ZFHX3: variants seen among roughly 807,000 people sequenced by gnomAD.
The protein encoded by ZFHX3 is zinc finger homeobox protein 3.
Under a neutral mutation model 279.1 loss-of-function variants are expected in ZFHX3, and 42 were observed. The ratio of observed to expected loss-of-function variants is 0.15; its 90% CI spans 0.12 to 0.19. The LOEUF is 0.19. ZFHX3 is among the 10% of genes least tolerant of loss of function. The pLI is 1.00. For missense variants in ZFHX3, 4,981 were observed against 4,754.0 expected, an observed-to-expected ratio of 1.05 and a Z score of -1.40; for synonymous variants, 2,293 against 1,957.8, an observed-to-expected ratio of 1.17 and a Z score of -4.52.
rs114361978 is a variant in ZFHX3 at position 73,587,613 on chromosome 16, G to A, written c.-1547+92567C>T. Among the ~76,000 whole-genome samples the A allele has an allele frequency of 6.7e-3, 1,019 of 152,286 alleles. 13 individuals carry two copies. The highest frequency in any genetic ancestry group is 0.024 in the African/African-American group (979 of 41,540). On this transcript the variant is annotated intron_variant, in intron 2 of 17. Transcript: ENST00000641206. ...GCAGCAGAATTGGGCTACGACATGTGTCTAACATTCTCACCAGACTTGTAT... is the reference window on the plus strand; with the variant it reads ...GCAGCAGAATTGGGCTACGACATGTATCTAACATTCTCACCAGACTTGTAT...
intron 1 of ZFHX3, among the ~76,000 whole-genome samples, chr16:73,838,073 T>C (rs76476537): frequency 0.012 from 1,781 of 152,326 alleles, 43 homozygotes; most frequent in African/African-American, 0.041. Context: ...CATGTCTCCA[T>C]TTCAACATGA....
intron 4 of ZFHX3, among the ~76,000 whole-genome samples, chr16:73,303,132 G>T (rs995343880): frequency 2.6e-4 from 40 of 151,912 alleles, no homozygotes; most frequent in Non-Finnish European, 1.5e-4. Context: ...GGGCTCAAGT[G>T]ATCCTCCCAC....
intron 6 of ZFHX3, among the ~76,000 whole-genome samples, chr16:73,141,396 T>G (rs1597177987): frequency 6.6e-6 from 1 of 151,484 alleles, no homozygotes; most frequent in East Asian, 1.9e-4. Flanking sequence ...TCTCTTTAAA[T>G]AATTTTTTTT....
intron 1 of ZFHX3, among the ~76,000 whole-genome samples, chr16:73,768,771 G>A (rs2053983092): frequency 6.6e-6 from 1 of 152,138 alleles, no homozygotes; most frequent in Non-Finnish European, 1.5e-5. Context: ...TACTGAGCCT[G>A]GATTTTATCA....
chr16:73,181,780 C>T (rs2144879228), intron 5 of ZFHX3, among the ~76,000 whole-genome samples: 1 of 152,218 alleles, frequency 6.6e-6, no homozygotes, highest in East Asian at 1.9e-4. Context: ...GTTAGGGCTG[C>T]TGTGTGTGGT....
intron 1 of ZFHX3, among the ~76,000 whole-genome samples, chr16:73,835,441 C>G (rs924538468): frequency 8.6e-5 from 13 of 150,356 alleles, no homozygotes; most frequent in African/African-American, 3.2e-4. Flanking sequence ...CAACTTTCCT[C>G]CACCATCCCT....
At chr16:73,413,563 G>A (rs192256437) in intron 3 of ZFHX3, among the ~76,000 whole-genome samples, 10 of 152,198 alleles carry the variant, frequency 6.6e-5, no homozygotes, top group African/African-American at 2.2e-4. Context: ...GCTCTATGCT[G>A]GGGGCTGGGG....
intron 7 of ZFHX3, among the ~76,000 whole-genome samples, chr16:72,804,251 A>G (rs570903745): frequency 5.9e-5 from 9 of 152,348 alleles, no homozygotes; most frequent in African/African-American, 1.4e-4. Context: ...AGTTCATTCA[A>G]TTGACCACCA....
intron 4 of ZFHX3, among the ~76,000 whole-genome samples, chr16:73,259,137 C>T (rs1038028278): frequency 9.2e-5 from 14 of 152,290 alleles, no homozygotes; most frequent in South Asian, 4.1e-4. Flanking sequence ...AGTCACAGCG[C>T]GGGGAACATG....
In ZFHX3 at chr16:73,238,800, C is replaced by T. The variant is rs192130614; in HGVS notation, c.-1104+18247G>A. Among the ~76,000 whole-genome samples the T allele has an allele frequency of 2.4e-3, 360 of 152,276 alleles. 2 individuals are homozygous for T. The highest frequency in any genetic ancestry group is 8.3e-3 in the African/African-American group (345 of 41,556). On this transcript the variant is annotated intron_variant, in intron 5 of 17. Transcript: ENST00000641206. ...TTCTAGGTCATAAAATGCCCCATAA[C>T]TCTTTCATGCCTCTAGGATTCCATA...
chr16:73,784,796 A>AAATATATAT (rs56734827), intron 1 of ZFHX3, among the ~76,000 whole-genome samples: 57 of 131,096 alleles, frequency 4.3e-4, no homozygotes, highest in Admixed American at 1.0e-3. Context: ...TAAAAAAAAA[A>AAATATATAT]ATATATATAT....
intron 2 of ZFHX3, chr16:73,486,857 C>G: frequency 2.2e-6 from 1 of 456,026 alleles, no homozygotes; most frequent in South Asian, 1.5e-5. Flanking sequence ...TACCCAGAAC[C>G]TGGAGCAAGA....
rs951181269 is a variant in ZFHX3 at position 72,950,500 on chromosome 16, G to C, written c.3185C>G (p.Ser1062Cys). ...LEKLRLHTVN[S>C]RHEASLKLYK... ...CAACTTCAGGCTGGCCTCGTGCCTG[G>C]AGTTGACCGTGTGCAGCCGCAGCTT... Residue 1062 changes from serine to cysteine, a missense_variant, in exon 3 of 10, where the codon TCC (serine) becomes TGC (cysteine). Physicochemically the swap from Ser to Cys is moderately radical, Grantham distance 112 (BLOSUM62 -1). Coordinates refer to ENST00000268489, the MANE Select transcript of ZFHX3 (RefSeq NM_006885.4). 4 of 1,614,168 alleles carry C rather than the reference G, an allele frequency of 2.5e-6. No homozygotes were observed. Among genetic ancestry groups the C allele is most frequent in the Non-Finnish European group, 3.4e-6 (4 of 1,179,986 alleles).
intron 5 of ZFHX3, among the ~76,000 whole-genome samples, chr16:73,242,192 G>A (rs2144945106): frequency 1.3e-5 from 2 of 152,272 alleles, no homozygotes; most frequent in Middle Eastern, 3.4e-3. Flanking sequence ...GAGAAAGTAG[G>A]CTGAGTGGGG....
chr16:72,932,247 T>C (rs1959853495), intron 3 of ZFHX3, among the ~76,000 whole-genome samples: 1 of 152,050 alleles, frequency 6.6e-6, no homozygotes, highest in Non-Finnish European at 1.5e-5. Context: ...TACTGAAACC[T>C]CCCAGGTTAT....
chr16:73,107,165 C>G (rs1966315885), intron 7 of ZFHX3, among the ~76,000 whole-genome samples: 1 of 152,018 alleles, frequency 6.6e-6, no homozygotes, highest in Non-Finnish European at 1.5e-5. Flanking sequence ...AAAACACTAG[C>G]TGAGTGTGGT....
intron 5 of ZFHX3, among the ~76,000 whole-genome samples, chr16:72,815,949 A>G (rs1282036104): frequency 1.3e-5 from 2 of 152,282 alleles, no homozygotes; most frequent in African/African-American, 2.4e-5. Flanking sequence ...TGGCATGGCC[A>G]TTCTACTGAG....
At chr16:73,317,547 C>A (rs1597281290) in intron 4 of ZFHX3, among the ~76,000 whole-genome samples, 1 of 152,096 alleles carries the variant, frequency 6.6e-6, no homozygotes, top group East Asian at 1.9e-4. Flanking sequence ...ATGCCGGATG[C>A]CATTACACTC....
intron 3 of ZFHX3, among the ~76,000 whole-genome samples, chr16:73,435,456 T>G (rs953253344): frequency 1.3e-5 from 2 of 152,144 alleles, no homozygotes; most frequent in Admixed American, 6.5e-5. Context: ...GTGATCTGCC[T>G]GCCTCGGCCT....
Sources: gnomAD v4.1 joint callset for allele counts (sites outside exome capture counted in the v4.1 genomes callset) on GRCh38, gnomAD v4.1.1 for gene constraint, MANE v1.5 for transcripts, NCBI Gene and HGNC (gene_info 2026-07-23, HGNC 2026-07-21) for gene names.